Variants in BICD1 observed in about 807,000 individuals in gnomAD.
BICD1 encodes the protein protein bicaudal D homolog 1.
Under a neutral mutation model 92.5 loss-of-function variants are expected in BICD1, and 35 were observed. The observed-to-expected ratio is 0.38, with a 90% CI of 0.29 to 0.50. BICD1 has a LOEUF of 0.50. BICD1 is among the 20% of genes least tolerant of loss of function. BICD1 has a pLI of 0.93. For synonymous variants in BICD1, 429 were observed against 465.1 expected, an observed-to-expected ratio of 0.92 and a Z score of 1.00; for missense variants, 950 against 1,189.8, an observed-to-expected ratio of 0.80 and a Z score of 2.97.
intron 2 of BICD1, among the ~76,000 whole-genome samples, chr12:32,240,683 GA>G (rs2136081240): frequency 6.6e-6 from 1 of 152,228 alleles, no homozygotes; most frequent in East Asian, 1.9e-4. Context: ...CCAGGATTAG[GA>G]ACTGGATATC....
intron 2 of BICD1, among the ~76,000 whole-genome samples, chr12:32,247,367 A>T (rs1488981024): frequency 1.3e-5 from 2 of 152,158 alleles, no homozygotes; most frequent in Non-Finnish European, 2.9e-5. Context: ...TGAATAGATG[A>T]CATTTTAAGC....
intron 1 of BICD1, among the ~76,000 whole-genome samples, chr12:32,163,691 A>G (rs1943667220): frequency 1.3e-5 from 2 of 152,326 alleles, no homozygotes; most frequent in East Asian, 3.9e-4. Flanking sequence ...CCAGTATTGT[A>G]GTCATGTCTT....
intron 2 of BICD1, among the ~76,000 whole-genome samples, chr12:32,230,399 CAAATAAATAAATAAATAAAT>C (rs535189097): frequency 1.6e-4 from 21 of 133,302 alleles, no homozygotes; most frequent in African/African-American, 5.6e-4. Flanking sequence ...GACCCTGTCT[CAAATAAATAAATAAATAAAT>C]AAATAAATAA....
At chr12:32,113,769 G>A (rs1329478236) in intron 1 of BICD1, among the ~76,000 whole-genome samples, 1 of 150,178 alleles carries the variant, frequency 6.7e-6, no homozygotes, top group Non-Finnish European at 1.5e-5. Context: ...GAGTGCAGTG[G>A]TCTGATCTCA....
intron 9 of BICD1, among the ~76,000 whole-genome samples, chr12:32,373,611 G>T (rs982050526): frequency 6.6e-6 from 1 of 152,052 alleles, no homozygotes; most frequent in Non-Finnish European, 1.5e-5. Flanking sequence ...AGCGGCTCAC[G>T]CCTGTAATCC....
At chr12:32,116,502 C>CTATATATATATATA (rs1433983078) in intron 1 of BICD1, among the ~76,000 whole-genome samples, 2 of 77,572 alleles carry the variant, frequency 2.6e-5, no homozygotes, top group Non-Finnish European at 5.3e-5. Context: ...TTCTCTCTCT[C>CTATATATATATATA]TCTCTCTCTA....
chr12:32,240,347 C>G (rs926220213), intron 2 of BICD1, among the ~76,000 whole-genome samples: 1 of 151,040 alleles, frequency 6.6e-6, no homozygotes, highest in Non-Finnish European at 1.5e-5. Context: ...GGTGTAGGGC[C>G]ATACCCCCAG....
chr12:32,364,895 G>A (rs1181791254), intron 8 of BICD1, among the ~76,000 whole-genome samples: 3 of 152,076 alleles, frequency 2.0e-5, no homozygotes, highest in Non-Finnish European at 2.9e-5. Flanking sequence ...ATGCTGAAGT[G>A]AGCTATGATA....
intron 3 of BICD1, among the ~76,000 whole-genome samples, chr12:32,299,892 A>G (rs1815249049): frequency 6.6e-6 from 1 of 152,150 alleles, no homozygotes; most frequent in African/African-American, 2.4e-5. Context: ...AATGTCTTCA[A>G]GTCAAGACCA....
At chr12:32,346,901 T>A (rs1342545955) in intron 8 of BICD1, among the ~76,000 whole-genome samples, 1 of 150,554 alleles carries the variant, frequency 6.6e-6, no homozygotes, top group Non-Finnish European at 1.5e-5. Context: ...AATGACTGAT[T>A]TTAAAATAAA....
At chr12:32,282,446 T>A (rs999708628) in intron 2 of BICD1, among the ~76,000 whole-genome samples, 1 of 151,984 alleles carries the variant, frequency 6.6e-6, no homozygotes, top group African/African-American at 2.4e-5. Context: ...CACCTTGAAG[T>A]CTTTCAAGAA....
At chr12:32,193,823 C>A (rs1479975281) in intron 1 of BICD1, among the ~76,000 whole-genome samples, 1 of 152,108 alleles carries the variant, frequency 6.6e-6, no homozygotes, top group Admixed American at 6.6e-5. Context: ...CCAAGAAATT[C>A]GAGAGGAGGG....
chr12:32,301,277 A>G (rs1264614114), intron 3 of BICD1, among the ~76,000 whole-genome samples: 2 of 152,162 alleles, frequency 1.3e-5, no homozygotes, highest in Admixed American at 1.3e-4. Flanking sequence ...GAGATAAAGT[A>G]AAAAATGCAT....
intron 4 of BICD1, among the ~76,000 whole-genome samples, chr12:32,318,440 T>C (rs1948563175): frequency 6.6e-6 from 1 of 152,154 alleles, no homozygotes; most frequent in South Asian, 2.1e-4. Flanking sequence ...CCCTTGTAAG[T>C]TGGATTCCTA....
chr12:32,340,558 A>C, intron 8 of BICD1: 1 of 884,214 alleles, frequency 1.1e-6, no homozygotes. Flanking sequence ...GTTTAATTAA[A>C]AAGATAACAT....
intron 2 of BICD1, among the ~76,000 whole-genome samples, chr12:32,261,665 T>C (rs185072968): frequency 2.0e-5 from 3 of 152,348 alleles, no homozygotes; most frequent in Non-Finnish European, 2.9e-5. Flanking sequence ...ACCACCTTTG[T>C]GGTGTTGTTT....
Position 32,238,069 on chromosome 12 carries a change from A to G in BICD1, c.426+21610A>G, listed in dbSNP as rs369846849. On this transcript the variant is annotated intron_variant, in intron 2 of 9. Transcript: ENST00000652176. ...ATTATCAACATGAACAGGAGTTTCGAAGAAGTTGATTCCAAACCTCATGGT... is the reference window on the plus strand; with the variant it reads ...ATTATCAACATGAACAGGAGTTTCGGAGAAGTTGATTCCAAACCTCATGGT... Among the ~76,000 whole-genome samples the G allele has an allele frequency of 9.2e-5, 14 of 152,276 alleles. No homozygotes were observed. In the East Asian group the frequency reaches 1.9e-3, roughly 21 times the overall value.
At chr12:32,323,820 CTT>C (rs1948711515) in intron 4 of BICD1, among the ~76,000 whole-genome samples, 1 of 152,088 alleles carries the variant, frequency 6.6e-6, no homozygotes, top group Non-Finnish European at 1.5e-5. Context: ...GCAAAACAAA[CTT>C]AATAATTAAT....
At chr12:32,318,710 C>A (rs1040959250) in intron 4 of BICD1, among the ~76,000 whole-genome samples, 2 of 152,072 alleles carry the variant, frequency 1.3e-5, no homozygotes, top group African/African-American at 4.8e-5. Context: ...CAAAATTAAC[C>A]AGGCGTAGTG....
Sources: gnomAD v4.1 joint callset for allele counts (sites outside exome capture counted in the v4.1 genomes callset) on GRCh38, gnomAD v4.1.1 for gene constraint, MANE v1.5 for transcripts, NCBI Gene and HGNC (gene_info 2026-07-23, HGNC 2026-07-21) for gene names.